The following PDGFC variants were observed in gnomAD, a reference collection of about 807,000 sequenced individuals.
PDGFC encodes platelet-derived growth factor C.
A neutral mutation model predicts 35.5 loss-of-function variants in PDGFC; 12 were observed. The ratio of observed to expected loss-of-function variants is 0.34; its 90% CI spans 0.22 to 0.55. PDGFC has a LOEUF of 0.55. Among genes scored for constraint, PDGFC ranks in the 20% least tolerant of loss-of-function variants. The pLI is 0.91. For missense variants in PDGFC, 322 were observed against 412.4 expected (o/e 0.78, Z 1.90); for synonymous variants, 159 against 148.8 (o/e 1.07, Z -0.50).
At chr4:156,823,986 A>G (rs1334595288) in intron 2 of PDGFC, among the ~76,000 whole-genome samples, 1 of 152,106 alleles carries the variant, frequency 6.6e-6, no homozygotes, top group Non-Finnish European at 1.5e-5. Context: ...ACAGAAAGAC[A>G]AGTACTAAAT....
chr4:156,907,589 G>A (rs571597287), intron 1 of PDGFC, among the ~76,000 whole-genome samples: 4 of 152,172 alleles, frequency 2.6e-5, no homozygotes, highest in Non-Finnish European at 5.9e-5. Context: ...CTTCGAGGGA[G>A]TTGGGACCTT....
chr4:156,971,355 G>A lies in PDGFC; in HGVS notation c.-452C>T. 2.5e-6 allele frequency: 1 copy of A among 398,898 alleles called. No individual in the cohort carries two copies. Among genetic ancestry groups the A allele is most frequent in the Non-Finnish European group, 4.4e-6 (1 of 226,452 alleles). The allele number at this position is 398,898 out of a possible 1,614,324, so 24.7% of individuals were successfully genotyped here. A position where few individuals can be genotyped will look rare whatever the true frequency, so the allele number is the denominator to read the frequency against. ...GCCAAGTCGGCGGCGAGCAGTTTCT[G>A]ATCAATAACAAAGCTGCCAATAGAT... On this transcript the variant is annotated 5_prime_UTR_variant, in exon 1 of 6. Coordinates refer to ENST00000502773, the MANE Select transcript of PDGFC (RefSeq NM_016205.3).
intron 1 of PDGFC, among the ~76,000 whole-genome samples, chr4:156,868,381 A>G (rs1393920031): frequency 5.9e-5 from 9 of 152,186 alleles, no homozygotes. Flanking sequence ...CTGGAAAAAT[A>G]AATTGTTCTG....
At position 156,767,795 on chromosome 4, in the gene PDGFC, T is replaced by C; in HGVS notation, c.899A>G (p.Lys300Arg). Reference protein sequence around the residue: ...NCNECQCVPSKVTKKYHEVLQ... With the variant: ...NCNECQCVPSRVTKKYHEVLQ... ...TACCTCGTGGTATTTTTTAGTAACT[T>C]TGCTTGGGACACATTGACATTCATT... is the stretch of plus-strand genomic sequence containing the variant. Residue 300 changes from lysine (K) to arginine (R), a missense_variant, in exon 5 of 6, where the codon AAA (lysine) becomes AGA (arginine). Lys to Arg is a conservative substitution (Grantham distance 26). Around this residue, in one of 2 missense-constraint regions of PDGFC, gnomAD observed 202 missense variants for 295.9 expected, o/e 0.68. Coordinates refer to ENST00000502773, the MANE Select transcript of PDGFC (RefSeq NM_016205.3). 6.2e-7 allele frequency: 1 copy of C among 1,612,472 alleles called. No individual in the cohort carries two copies. Among genetic ancestry groups the C allele is most frequent in the Non-Finnish European group, 8.5e-7 (1 of 1,178,680 alleles).
intron 1 of PDGFC, among the ~76,000 whole-genome samples, chr4:156,949,035 G>A (rs1055894053): frequency 2.0e-5 from 3 of 151,874 alleles, no homozygotes; most frequent in African/African-American, 4.8e-5. Context: ...GGATTATAGC[G>A]CAGGAGAGTG....
At chr4:156,801,521 C>T (rs1560817874) in intron 3 of PDGFC, among the ~76,000 whole-genome samples, 1 of 152,158 alleles carries the variant, frequency 6.6e-6, no homozygotes, top group Non-Finnish European at 1.5e-5. Context: ...TGCAAAGCGT[C>T]TCCTACTAGG....
chr4:156,825,587 TAATAATAAGAAGAAGAAGAAG>T (rs1252547705), intron 2 of PDGFC, among the ~76,000 whole-genome samples: 68 of 87,194 alleles, frequency 7.8e-4, no homozygotes, highest in African/African-American at 1.8e-3. Flanking sequence ...ATAATAATAA[TAATAATAAGAAGAAGAAGAAG>T]AAGAAGAAGA....
intron 2 of PDGFC, among the ~76,000 whole-genome samples, chr4:156,833,176 T>C (rs1392661271): frequency 1.3e-5 from 2 of 152,252 alleles, no homozygotes; most frequent in African/African-American, 4.8e-5. Context: ...ATATGTTTTA[T>C]TCTTCACAAC....
chr4:156,931,992 A>T (rs1381931916), intron 1 of PDGFC, among the ~76,000 whole-genome samples: 1 of 152,186 alleles, frequency 6.6e-6, no homozygotes, highest in African/African-American at 2.4e-5. Context: ...TTTATAGTAT[A>T]TGATTTGAGG....
At chr4:156,965,784 G>A (rs1732451550) in intron 1 of PDGFC, among the ~76,000 whole-genome samples, 2 of 152,042 alleles carry the variant, frequency 1.3e-5, no homozygotes, top group Non-Finnish European at 2.9e-5. Flanking sequence ...TCAAGTCATG[G>A]GTCAGGCCTG....
At chr4:156,856,239 C>T (rs1189958764) in intron 1 of PDGFC, among the ~76,000 whole-genome samples, 4 of 152,090 alleles carry the variant, frequency 2.6e-5, no homozygotes, top group Non-Finnish European at 4.4e-5. Context: ...CAGTAAACCA[C>T]GGAACTACTA....
intron 1 of PDGFC, among the ~76,000 whole-genome samples, chr4:156,864,900 G>A (rs190093964): frequency 3.2e-4 from 49 of 152,098 alleles, no homozygotes; most frequent in African/African-American, 1.1e-3. Context: ...CCAAAGTTAC[G>A]TTTGATCCTT....
chr4:156,825,907 C>T (rs867415120), intron 2 of PDGFC, among the ~76,000 whole-genome samples: 1 of 150,084 alleles, frequency 6.7e-6, no homozygotes, highest in African/African-American at 2.5e-5. Context: ...CTCACTCTGT[C>T]ATCTAGATTA....
At position 156,761,277 on chromosome 4, in the gene PDGFC, T is replaced by C. The variant is rs1297000570; in HGVS notation, c.*1813A>G. 1 of 152,238 alleles carries C rather than the reference T, an allele frequency of 6.6e-6. No individual in the cohort carries two copies. Among genetic ancestry groups the C allele is most frequent in the Non-Finnish European group, 1.5e-5 (1 of 68,060 alleles). 9.4% of individuals were successfully genotyped at this position (152,238 alleles called of 1,614,324 possible). Reference sequence around the variant, plus strand: ...ATCAATTTATGCTCACCCCATTTAGTAGTTGCCAGTGACAATGAAGACATG... The same window carrying C: ...ATCAATTTATGCTCACCCCATTTAGCAGTTGCCAGTGACAATGAAGACATG... On this transcript the variant is annotated 3_prime_UTR_variant, in exon 6 of 6. Coordinates refer to ENST00000502773, the MANE Select transcript of PDGFC (RefSeq NM_016205.3).
intron 3 of PDGFC, among the ~76,000 whole-genome samples, chr4:156,796,491 A>ATTT (rs35891804): frequency 0.07 from 7,130 of 101,510 alleles, 297 homozygotes; most frequent in Non-Finnish European, 0.1. Context: ...ACCACTTTGT[A>ATTT]TTTTTTTTTT....
chr4:156,777,536 G>T (rs1360615701), intron 3 of PDGFC, among the ~76,000 whole-genome samples: 1 of 152,098 alleles, frequency 6.6e-6, no homozygotes, highest in African/African-American at 2.4e-5. Flanking sequence ...TGAAGACACA[G>T]GAAGAAAATG....
At chr4:156,962,604 C>A (rs6844816) in intron 1 of PDGFC, among the ~76,000 whole-genome samples, 14,627 of 152,134 alleles carry the variant, frequency 0.096, 2,137 homozygotes, top group African/African-American at 0.32. Context: ...GATGCTCATA[C>A]ATATTTGCTG....
intron 2 of PDGFC, among the ~76,000 whole-genome samples, chr4:156,814,071 T>A (rs1387416569): frequency 4.6e-5 from 7 of 152,118 alleles, no homozygotes; most frequent in Non-Finnish European, 7.4e-5. Flanking sequence ...GAAAAATGCT[T>A]CACATGAGGC....
intron 3 of PDGFC, among the ~76,000 whole-genome samples, chr4:156,800,781 C>G (rs911997194): frequency 5.9e-5 from 9 of 152,164 alleles, no homozygotes; most frequent in Admixed American, 3.3e-4. Context: ...AAGATTATGA[C>G]AGTGAAAGGG....
Sources: gnomAD v4.1 joint callset for allele counts (sites outside exome capture counted in the v4.1 genomes callset) on GRCh38, gnomAD v4.1.1 for gene constraint, gnomAD v4.1.1 regional missense constraint, MANE v1.5 for transcripts, NCBI Gene and HGNC (gene_info 2026-07-23, HGNC 2026-07-21) for gene names.